Variants in MYBPC2 observed in about 807,000 individuals in gnomAD.
MYBPC2 encodes the protein myosin-binding protein C, fast-type.
Under a neutral mutation model 137.0 loss-of-function variants are expected in MYBPC2, and 122 were observed. The ratio of observed to expected loss-of-function variants is 0.89; its 90% CI spans 0.77 to 1.03. MYBPC2 has a LOEUF of 1.03. Among genes scored for constraint, MYBPC2 ranks in the 50% least tolerant of loss-of-function variants. The pLI, the probability that MYBPC2 is intolerant of heterozygous loss-of-function variation, is 0.00. For synonymous variants in MYBPC2, 626 were observed against 612.3 expected (o/e 1.02, Z -0.33); for missense variants, 1,500 against 1,534.4 (o/e 0.98, Z 0.37).
At position 50,464,502 on chromosome 19, in the gene MYBPC2, G is replaced by T; in HGVS notation, c.3385G>T (p.Ala1129Ser). Residue 1129 changes from alanine (A) to serine (S), a missense_variant, in exon 27 of 28, where the codon GCG becomes TCG. Transcript: ENST00000357701. ...CCGGGCCGTCAACGAGCTGGGCGAG[G>T]CGCTGGCTGAGTGCAAGCTGGAGGT... ...TCRAVNELGEALAECKLEVRV... is the reference protein window; with the variant it reads ...TCRAVNELGESLAECKLEVRV... 1 of 1,612,144 alleles carries T rather than the reference G, an allele frequency of 6.2e-7. No homozygotes were observed. Among genetic ancestry groups the T allele is most frequent in the Non-Finnish European group, 8.5e-7 (1 of 1,179,418 alleles).
chr19:50,446,680 T>A (rs1206938596), intron 12 of MYBPC2, among the ~76,000 whole-genome samples: 1 of 145,264 alleles, frequency 6.9e-6, no homozygotes, highest in Non-Finnish European at 1.5e-5. Flanking sequence ...ATTAGCTGGG[T>A]GTGGTGGCGT....
rs1310570765 is a variant in MYBPC2, at chr19:50,436,003, C to T, written c.197-9C>T. ...CCTCCCACTCTACCCTGTCACTCAC[C>T]CCATGTAGGGAAGGACGCAGTGGTC... On this transcript the variant is annotated splice_polypyrimidine_tract_variant and intron_variant, in intron 3 of 27. Transcript: ENST00000357701. The T allele has an allele frequency of 1.9e-6, 3 of 1,573,508 alleles. No homozygotes were observed. Among genetic ancestry groups the T allele is most frequent in the African/African-American group, 2.7e-5 (2 of 73,904 alleles).
At chr19:50,455,356 C>T in intron 19 of MYBPC2, 60 bp downstream of exon 19, 1 of 1,574,784 alleles carries the variant, frequency 6.4e-7, no homozygotes, top group Non-Finnish European at 8.7e-7. Context: ...GATCCATCAA[C>T]CCCGTCCACC....
chr19:50,459,633 GTGGGAGAGGAGGTGAGAGATGAGGGA>G (rs1568668794), intron 23 of MYBPC2, among the ~76,000 whole-genome samples: 2 of 99,018 alleles, frequency 2.0e-5, no homozygotes, highest in African/African-American at 8.5e-5. Flanking sequence ...GAGACGAGGG[GTGGGAGAGGAGGTGAGAGATGAGGGA>G]TGGGAGAGGA....
At chr19:50,447,906 T>A (rs2039820162) in intron 12 of MYBPC2, among the ~76,000 whole-genome samples, 1 of 152,146 alleles carries the variant, frequency 6.6e-6, no homozygotes, top group Admixed American at 6.6e-5. Flanking sequence ...CCCAAAGTGC[T>A]GGGATTACAG....
At chr19:50,464,304 G>T (rs746055746) in intron 26 of MYBPC2, 42 bp from the exon 27 acceptor site, 2 of 1,539,856 alleles carry the variant, frequency 1.3e-6, no homozygotes, top group Middle Eastern at 3.4e-4. Flanking sequence ...ATTGCCCAGG[G>T]TCTCTCTCTA....
At chr19:50,449,357 G>A (rs775673392) in intron 13 of MYBPC2, among the ~76,000 whole-genome samples, 7 of 152,156 alleles carry the variant, frequency 4.6e-5, no homozygotes, top group Non-Finnish European at 1.0e-4. Flanking sequence ...CGCCCAGCAC[G>A]CCGCTCCCTA....
At position 50,455,587 on chromosome 19, in the gene MYBPC2, A is replaced by T. The variant is rs1466842042; in HGVS notation, c.2281A>T (p.Asn761Tyr). The T allele has an allele frequency of 6.2e-7, 1 of 1,613,988 alleles. No individual in the cohort carries two copies. Among genetic ancestry groups the T allele is most frequent in the East Asian group, 2.2e-5 (1 of 44,884 alleles). Reference protein sequence around the residue: ...TTTTLKWRPPNRIGAGGIDGY... With the variant: ...TTTTLKWRPPYRIGAGGIDGY... ...CACCACACTCAAGTGGAGGCCTCCG[A>T]ACAGGATCGGGGCAGGTGGCATCGA... The change falls in exon 20 of 28, where the codon AAC (asparagine) becomes TAC (tyrosine). Residue 761 changes from asparagine to tyrosine, a missense_variant. By Grantham distance (143) the Asn-to-Tyr change is moderately radical (BLOSUM62 -2). Coordinates refer to ENST00000357701, the MANE Select transcript of MYBPC2 (RefSeq NM_004533.4).
chr19:50,435,172 G>T lies in MYBPC2; in HGVS notation c.31G>T (p.Ala11Ser), dbSNP rs1487066820. Residue 11 changes from alanine (A) to serine (S), a missense_variant, in exon 2 of 28, where the codon GCC becomes TCC. By Grantham distance (99) the Ala-to-Ser change is moderately conservative. Transcript: ENST00000357701. The surrounding 1 kb of genome is among the most constrained non-coding windows in gnomAD (Gnocchi z 4.8). The stretch of plus-strand genomic sequence containing the variant: ...CCCCTACCTTACAGCGGCCAAAAAG[G>T]CCCCCAAAGGCAAAGATGCCCCCAA... MPEAKPAAKK[A>S]PKGKDAPKGA... 7.5e-7 allele frequency: 1 copy of T among 1,333,488 alleles called. No homozygotes were observed. Among genetic ancestry groups the T allele is most frequent in the Admixed American group, 1.7e-5 (1 of 57,920 alleles). The allele number at this position is 1,333,488 out of a possible 1,614,324, so 82.6% of individuals were successfully genotyped here.
At chr19:50,462,473 C>A (rs956740496) in intron 26 of MYBPC2, among the ~76,000 whole-genome samples, 2 of 152,094 alleles carry the variant, frequency 1.3e-5, no homozygotes, top group African/African-American at 4.8e-5. Context: ...TGTGAGCCAC[C>A]ACGCCCAGAC....
At chr19:50,442,932 C>A (rs1257470143) in intron 9 of MYBPC2, among the ~76,000 whole-genome samples, 2 of 151,480 alleles carry the variant, frequency 1.3e-5, no homozygotes, top group African/African-American at 4.9e-5. Context: ...AGCGCCCCAA[C>A]ACATCTAATT....
chr19:50,441,111 C>T (rs1181884144), intron 8 of MYBPC2, 35 bp downstream of exon 8: 2 of 1,531,304 alleles, frequency 1.3e-6, no homozygotes, highest in Non-Finnish European at 1.8e-6. Context: ...GGGCCCTGCA[C>T]ACAAGGGACC....
chr19:50,458,515 A>C, intron 20 of MYBPC2, 72 bp from the exon 21 acceptor site: 4 of 1,554,440 alleles, frequency 2.6e-6, no homozygotes, highest in Non-Finnish European at 3.5e-6. Flanking sequence ...GTGGGGCCCA[A>C]GTCCCCGGGA....
chr19:50,440,385 C>G (rs915671459), intron 7 of MYBPC2, among the ~76,000 whole-genome samples: 4 of 149,966 alleles, frequency 2.7e-5, no homozygotes, highest in Non-Finnish European at 4.4e-5. Flanking sequence ...CTCTGCGGAC[C>G]AGGCATGGTG....
At chr19:50,444,235 C>T (rs1270760649) in intron 11 of MYBPC2, among the ~76,000 whole-genome samples, 1 of 151,614 alleles carries the variant, frequency 6.6e-6, no homozygotes, top group Non-Finnish European at 1.5e-5. Context: ...TCCATCCATC[C>T]ATCCATCCAT....
chr19:50,456,912 A>G (rs2039919634), intron 20 of MYBPC2, among the ~76,000 whole-genome samples: 1 of 152,142 alleles, frequency 6.6e-6, no homozygotes. Flanking sequence ...CCAAACAAAC[A>G]TTCACTGAGC....
At chr19:50,452,540 G>GTATC (rs1477917128) in intron 16 of MYBPC2, among the ~76,000 whole-genome samples, 11 of 65,130 alleles carry the variant, frequency 1.7e-4, no homozygotes, top group Non-Finnish European at 3.1e-4. Context: ...ATCTATCTAT[G>GTATC]TATCTATCTA....
At chr19:50,444,047 CT>C (rs1209510098) in intron 11 of MYBPC2, among the ~76,000 whole-genome samples, 3 of 152,154 alleles carry the variant, frequency 2.0e-5, no homozygotes, top group African/African-American at 7.2e-5. Flanking sequence ...TCTTCCTGAT[CT>C]CCGACTGTTC....
At chr19:50,456,880 T>C (rs2039919336) in intron 20 of MYBPC2, among the ~76,000 whole-genome samples, 2 of 152,164 alleles carry the variant, frequency 1.3e-5, no homozygotes, top group Admixed American at 1.3e-4. Flanking sequence ...TGTACCTCCA[T>C]ACATCCACTC....
Sources: gnomAD v4.1 joint callset for allele counts (sites outside exome capture counted in the v4.1 genomes callset) on GRCh38, gnomAD v4.1.1 for gene constraint, Gnocchi (gnomAD v3.1) non-coding constraint, MANE v1.5 for transcripts, NCBI Gene and HGNC (gene_info 2026-07-23, HGNC 2026-07-21) for gene names.